Variants in MALRD1 observed in about 807,000 individuals in gnomAD.
MALRD1 encodes the protein MAM and LDL receptor class A domain containing 1, also known as MAM and LDL-receptor class A domain-containing protein 1.
In MALRD1, 247 loss-of-function variants were observed where a neutral mutation model predicts 242.1. That is an observed-to-expected ratio of 1.02 (90% CI 0.92 to 1.13). MALRD1 has a LOEUF of 1.13. MALRD1 is among the 50% of genes most tolerant of loss of function. The probability of loss-of-function intolerance (pLI) is 0.00; values close to 1 mark genes in which losing one functional copy is unlikely to be tolerated. For synonymous variants in MALRD1, 995 were observed against 866.6 expected, an observed-to-expected ratio of 1.15 and a Z score of -2.60; for missense variants, 2,989 against 2,533.1, an observed-to-expected ratio of 1.18 and a Z score of -3.86.
At chr10:19,572,280 A>T (rs752506701) in intron 33 of MALRD1, among the ~76,000 whole-genome samples, 5 of 152,228 alleles carry the variant, frequency 3.3e-5, no homozygotes, top group Non-Finnish European at 7.3e-5. Flanking sequence ...TTCCTTAGCC[A>T]TGTGAGTTTC....
At chr10:19,222,168 C>G (rs1200283672) in intron 18 of MALRD1, among the ~76,000 whole-genome samples, 1 of 151,978 alleles carries the variant, frequency 6.6e-6, no homozygotes, top group African/African-American at 2.4e-5. Context: ...TCCCTCCCTC[C>G]CTCTCTCTTT....
intron 5 of MALRD1, among the ~76,000 whole-genome samples, chr10:19,120,144 AGAG>A (rs1335257165): frequency 6.6e-6 from 1 of 152,110 alleles, no homozygotes; most frequent in Non-Finnish European, 1.5e-5. Flanking sequence ...GGGTGTGTAG[AGAG>A]GAGAAGAGAT....
intron 33 of MALRD1, among the ~76,000 whole-genome samples, chr10:19,587,012 T>G (rs1312003409): frequency 1.3e-5 from 2 of 152,210 alleles, no homozygotes; most frequent in African/African-American, 4.8e-5. Flanking sequence ...GTCACCACTT[T>G]CTTTGACTAG....
intron 29 of MALRD1, among the ~76,000 whole-genome samples, chr10:19,458,892 T>TTG (rs112455546): frequency 0.38 from 56,770 of 149,730 alleles, 10,951 homozygotes; most frequent in East Asian, 0.51. Context: ...TATAGTTGAG[T>TTG]TATATATATA....
intron 18 of MALRD1, among the ~76,000 whole-genome samples, chr10:19,245,814 A>G (rs891683180): frequency 6.6e-6 from 1 of 152,196 alleles, no homozygotes; most frequent in Non-Finnish European, 1.5e-5. Context: ...CATTAGATTA[A>G]ATGATATGTA....
chr10:19,184,113 A>G (rs1000526666), intron 14 of MALRD1, among the ~76,000 whole-genome samples: 8 of 152,314 alleles, frequency 5.3e-5, no homozygotes, highest in African/African-American at 1.9e-4. Flanking sequence ...TTTTGCCTGG[A>G]CATAGCGAAA....
At chr10:19,691,163 C>A (rs750221082) in intron 36 of MALRD1, among the ~76,000 whole-genome samples, 15 of 152,036 alleles carry the variant, frequency 9.9e-5, no homozygotes, top group Admixed American at 7.9e-4. Context: ...AAAACAAATA[C>A]CCCAATCTCT....
chr10:19,695,085 G>C (rs1014020096), intron 38 of MALRD1, among the ~76,000 whole-genome samples: 9 of 152,090 alleles, frequency 5.9e-5, no homozygotes, highest in African/African-American at 1.2e-4. Context: ...GGTGGGGCTA[G>C]TGGGGAGGCA....
chr10:19,198,603 G>C (rs772743840), intron 14 of MALRD1, among the ~76,000 whole-genome samples: 1 of 152,054 alleles, frequency 6.6e-6, no homozygotes, highest in East Asian at 1.9e-4. Context: ...GGCAGTTAAC[G>C]GCCCTGCTCA....
intron 36 of MALRD1, among the ~76,000 whole-genome samples, chr10:19,668,335 A>C (rs1013337306): frequency 8.5e-5 from 13 of 152,170 alleles, no homozygotes; most frequent in African/African-American, 2.9e-4. Context: ...ATGACACCAG[A>C]ATGAAGCCTC....
At chr10:19,185,963 A>G (rs1835721693) in intron 14 of MALRD1, among the ~76,000 whole-genome samples, 1 of 152,020 alleles carries the variant, frequency 6.6e-6, no homozygotes, top group African/African-American at 2.4e-5. Context: ...GATTTCTATG[A>G]TGTGTCTCTC....
At chr10:19,520,216 T>A (rs1038887990) in intron 31 of MALRD1, among the ~76,000 whole-genome samples, 11 of 152,176 alleles carry the variant, frequency 7.2e-5, no homozygotes, top group African/African-American at 2.7e-4. Flanking sequence ...AAAGCCTGTA[T>A]TTGTAACCAC....
intron 21 of MALRD1, among the ~76,000 whole-genome samples, chr10:19,304,778 CTTTA>C (rs1210452552): frequency 6.6e-6 from 1 of 151,664 alleles, no homozygotes; most frequent in Non-Finnish European, 1.5e-5. Context: ...ATAAACTTTT[CTTTA>C]TTTCTTGAAG....
intron 32 of MALRD1, among the ~76,000 whole-genome samples, chr10:19,534,633 G>T (rs1482147525): frequency 6.6e-6 from 1 of 151,898 alleles, no homozygotes; most frequent in Non-Finnish European, 1.5e-5. Flanking sequence ...CTCTAATAAT[G>T]TTGACACCAT....
chr10:19,595,224 A>C lies in MALRD1; in HGVS notation c.5711A>C (p.Glu1904Ala). 6.5e-7 allele frequency: 1 copy of C among 1,550,260 alleles called. No individual in the cohort carries two copies. Among genetic ancestry groups the C allele is most frequent in the Non-Finnish European group, 8.7e-7 (1 of 1,146,814 alleles). ...GTCCCAGTGCAGCCATCACCCTGTGAAGCTGATCAGTTTTCTTGTATCTAC... is the reference window on the plus strand; with the variant it reads ...GTCCCAGTGCAGCCATCACCCTGTGCAGCTGATCAGTTTTCTTGTATCTAC... Reference protein sequence around the residue: ...GPVPVQPSPCEADQFSCIYTL... With the variant: ...GPVPVQPSPCAADQFSCIYTL... The change falls in exon 34 of 40, where the codon GAA becomes GCA. Residue 1904 changes from glutamate (E) to alanine (A), a missense_variant. Coordinates refer to ENST00000454679, the MANE Select transcript of MALRD1 (RefSeq NM_001142308.3).
At chr10:19,310,785 G>A (rs1842394442) in intron 21 of MALRD1, among the ~76,000 whole-genome samples, 1 of 151,372 alleles carries the variant, frequency 6.6e-6, no homozygotes, top group Admixed American at 6.6e-5. Context: ...TCCAAACTGA[G>A]TTCAAGATCA....
At chr10:19,272,299 A>G (rs983152966) in intron 19 of MALRD1, among the ~76,000 whole-genome samples, 3 of 152,084 alleles carry the variant, frequency 2.0e-5, no homozygotes, top group African/African-American at 7.2e-5. Flanking sequence ...ACACCATACA[A>G]AACAAAAAGA....
intron 19 of MALRD1, among the ~76,000 whole-genome samples, chr10:19,260,500 T>C (rs1258482727): frequency 6.6e-6 from 1 of 152,218 alleles, no homozygotes; most frequent in Non-Finnish European, 1.5e-5. Flanking sequence ...TTCATGTTCA[T>C]TAGCCATTGA....
rs144927497 is a variant in MALRD1 at position 19,346,592 on chromosome 10, T to C, written c.3902-1179T>C. ...CAAGAAGAACTTCATAAAGAATTATTGTCGTTAAAGAATTCTAAACAGTAC... is the reference window on the plus strand; with the variant it reads ...CAAGAAGAACTTCATAAAGAATTATCGTCGTTAAAGAATTCTAAACAGTAC... On this transcript the variant is annotated intron_variant, in intron 24 of 39. Transcript: ENST00000454679. 3.4e-3 allele frequency among the ~76,000 whole-genome samples: 521 copies of C among 152,292 alleles called. 4 individuals carry two copies. The highest frequency in any genetic ancestry group is 0.012 in the African/African-American group (503 of 41,564).
Sources: gnomAD v4.1 joint callset for allele counts (sites outside exome capture counted in the v4.1 genomes callset) on GRCh38, gnomAD v4.1.1 for gene constraint, MANE v1.5 for transcripts, NCBI Gene and HGNC (gene_info 2026-07-23, HGNC 2026-07-21) for gene names.